Variants in STK4 observed in about 807,000 individuals in gnomAD.
The protein encoded by STK4 is serine/threonine kinase 4, also known as serine/threonine-protein kinase 4.
In STK4, 30 loss-of-function variants were observed where a neutral mutation model predicts 64.9. That is an observed-to-expected ratio of 0.46 (90% CI 0.35 to 0.63). STK4 has a LOEUF of 0.63. STK4 is among the 20% of genes least tolerant of loss of function. The probability of loss-of-function intolerance (pLI) is 0.01; values close to 1 mark genes in which losing one functional copy is unlikely to be tolerated. For missense variants in STK4, 466 were observed against 598.5 expected, an observed-to-expected ratio of 0.78 and a Z score of 2.31; for synonymous variants, 177 against 199.0, an observed-to-expected ratio of 0.89 and a Z score of 0.93.
chr20:45,031,105 A>C (rs566778651), intron 10 of STK4, among the ~76,000 whole-genome samples: 72 of 152,294 alleles, frequency 4.7e-4, no homozygotes, highest in Middle Eastern at 3.4e-3. Flanking sequence ...GTTCTCATGG[A>C]GTTTACAGTG....
At chr20:45,062,662 T>TTTTTG (rs1434849654) in intron 10 of STK4, among the ~76,000 whole-genome samples, 1 of 152,114 alleles carries the variant, frequency 6.6e-6, no homozygotes, top group Non-Finnish European at 1.5e-5. Flanking sequence ...GTGGGGTTTT[T>TTTTTG]TTTTGTTTTG....
intron 5 of STK4, among the ~76,000 whole-genome samples, chr20:44,988,533 G>GTATATATA (rs71197589): frequency 0.028 from 2,822 of 101,292 alleles, 68 homozygotes; most frequent in East Asian, 0.039. Context: ...ATGTGTGTGT[G>GTATATATA]TATATATATA....
rs981279336 is a variant in STK4, at chr20:44,966,577, G to A, written c.9G>A (p.Thr3=). The A allele has an allele frequency of 7.9e-7, 1 of 1,268,114 alleles. No individual in the cohort carries two copies. Among genetic ancestry groups the A allele is most frequent in the Non-Finnish European group, 1.0e-6 (1 of 997,782 alleles). The allele number at this position is 1,268,114 out of a possible 1,614,324, so 78.6% of individuals were successfully genotyped here. The change falls in exon 1 of 11, where the codon ACG becomes ACA. Residue 3 remains threonine, a synonymous_variant. Transcript: ENST00000372806. The stretch of plus-strand genomic sequence containing the variant: ...CGGCTGCTGGCAGCGCCATGGAGAC[G>A]GTACAGCTGAGGAACCCGCCGCGCC... ME[T]VQLRNPPRRQ...
intron 10 of STK4, among the ~76,000 whole-genome samples, chr20:45,066,219 T>C (rs1479890200): frequency 7.3e-6 from 1 of 137,230 alleles, no homozygotes; most frequent in Non-Finnish European, 1.6e-5. Flanking sequence ...CACACAGATA[T>C]CTAGCTAGAT....
Position 44,999,003 on chromosome 20 carries a change from G to T in STK4, c.832-1389G>T, listed in dbSNP as rs988070228. Among the ~76,000 whole-genome samples, 17 of 151,948 alleles carry T rather than the reference G, an allele frequency of 1.1e-4. No individual in the cohort carries two copies. In the South Asian group the frequency reaches 3.5e-3, roughly 32 times the overall value. Reference sequence around the variant, plus strand: ...GAAGCACTTGAACCCGGGAGGCAGAGGTTACAGTGAGCTGAGATTGTGCCA... The same window carrying T: ...GAAGCACTTGAACCCGGGAGGCAGATGTTACAGTGAGCTGAGATTGTGCCA... On this transcript the variant is annotated intron_variant, in intron 7 of 10. Transcript: ENST00000372806.
intron 10 of STK4, among the ~76,000 whole-genome samples, chr20:45,033,234 CT>C (rs1568739795): frequency 2.0e-5 from 3 of 152,160 alleles, no homozygotes; most frequent in Non-Finnish European, 4.4e-5. Flanking sequence ...TCTGTTCACT[CT>C]GTTGAAAGTT....
chr20:44,987,281 A>G lies in STK4; in HGVS notation c.510A>G (p.Val170=), dbSNP rs764406926. ...ATGCAAAACTTGCAGATTTTGGGGT[A>G]GCAGGTCAACTTACAGTAAGTAAAA... The part of the protein sequence containing the change: ...EGHAKLADFG[V]AGQLTDTMAK... The change falls in exon 5 of 11, where the codon GTA becomes GTG. Residue 170 remains valine (V), a synonymous_variant. Transcript: ENST00000372806. 9 of 1,610,580 alleles carry G rather than the reference A, an allele frequency of 5.6e-6. No individual in the cohort carries two copies. The highest frequency in any genetic ancestry group is 3.3e-5 in the South Asian group (3 of 90,138).
intron 10 of STK4, among the ~76,000 whole-genome samples, chr20:45,061,872 C>CTTTTT (rs71197598): frequency 5.7e-4 from 66 of 115,056 alleles, no homozygotes; most frequent in African/African-American, 6.9e-4. Context: ...TCTTCTTCTT[C>CTTTTT]TTTTTTTTTT....
intron 10 of STK4, among the ~76,000 whole-genome samples, chr20:45,046,265 CA>C (rs56077065): frequency 0.17 from 20,880 of 119,542 alleles, 1,545 homozygotes; most frequent in East Asian, 0.26. Context: ...CCTGTATCTA[CA>C]AAAAAAAAAA....
intron 10 of STK4, among the ~76,000 whole-genome samples, chr20:45,069,092 T>A (rs1012375239): frequency 3.3e-5 from 5 of 152,202 alleles, no homozygotes; most frequent in African/African-American, 1.2e-4. Flanking sequence ...GTGAGGGAAT[T>A]CTAGGTGTTA....
chr20:44,984,941 T>C (rs925129877), intron 4 of STK4, among the ~76,000 whole-genome samples: 2 of 152,000 alleles, frequency 1.3e-5, no homozygotes, highest in Non-Finnish European at 2.9e-5. Flanking sequence ...CCACTGCGTC[T>C]GCTTGTTTCC....
intron 4 of STK4, among the ~76,000 whole-genome samples, chr20:44,982,347 C>G (rs993923061): frequency 1.3e-5 from 2 of 151,004 alleles, no homozygotes; most frequent in Non-Finnish European, 3.0e-5. Flanking sequence ...GTTGCCCAGG[C>G]TGGTTTCGAA....
At chr20:44,977,527 A>C (rs1366023947) in intron 2 of STK4, among the ~76,000 whole-genome samples, 1 of 152,182 alleles carries the variant, frequency 6.6e-6, no homozygotes, top group African/African-American at 2.4e-5. Context: ...ATCTCATTTG[A>C]CCATCACAAA....
intron 3 of STK4, among the ~76,000 whole-genome samples, 161 bp downstream of exon 3, chr20:44,978,732 A>G (rs1009555541): frequency 4.7e-5 from 7 of 149,416 alleles, no homozygotes; most frequent in African/African-American, 1.7e-4. Context: ...TATGATGATA[A>G]TGGTTGTTTT....
chr20:45,037,283 G>T (rs948355889), intron 10 of STK4, among the ~76,000 whole-genome samples: 1 of 152,246 alleles, frequency 6.6e-6, no homozygotes, highest in African/African-American at 2.4e-5. Flanking sequence ...AATTGAGCTG[G>T]AGCATTACCA....
intron 9 of STK4, among the ~76,000 whole-genome samples, chr20:45,003,354 T>C (rs1359978651): frequency 1.3e-5 from 2 of 152,166 alleles, no homozygotes; most frequent in African/African-American, 2.4e-5. Context: ...CAGATACTGA[T>C]CTATGTGGTG....
rs112554250 is a variant in STK4, at chr20:45,000,534, G to A, written c.960+14G>A. The A allele has an allele frequency of 3.5e-5, 56 of 1,613,364 alleles. No individual in the cohort carries two copies. In the African/African-American group the frequency reaches 4.5e-4, roughly 13 times the overall value. ...GAAGAAAACTCAGTGAGTGGCAGCC[G>A]TTGCTGTGGGCCTCAGACATTGATG... On this transcript the variant is annotated intron_variant, in intron 8 of 10. Coordinates refer to ENST00000372806, the MANE Select transcript of STK4 (RefSeq NM_006282.5).
At chr20:44,992,570 G>C (rs140613702) in intron 5 of STK4, among the ~76,000 whole-genome samples, 66 of 152,204 alleles carry the variant, frequency 4.3e-4, no homozygotes, top group African/African-American at 1.6e-3. Context: ...GCAGTGGCAT[G>C]ATCATAGTTC....
In STK4 at chr20:45,000,517, C is replaced by T; in HGVS notation, c.957C>T (p.Asn319=). 6.2e-7 allele frequency: 1 copy of T among 1,613,888 alleles called. No homozygotes were observed. Among genetic ancestry groups the T allele is most frequent in the Non-Finnish European group, 8.5e-7 (1 of 1,179,884 alleles). The change falls in exon 8 of 11, where the codon AAC becomes AAT. Residue 319 remains asparagine, a synonymous_variant. Transcript: ENST00000372806. ...QREVDQDDEE[N]SEEDEMDSGT... is the part of the protein sequence containing the mutation. ...AAGTGGACCAGGACGATGAAGAAAA[C>T]TCAGTGAGTGGCAGCCGTTGCTGTG... is the stretch of plus-strand genomic sequence containing the variant.
Sources: gnomAD v4.1 joint callset for allele counts (sites outside exome capture counted in the v4.1 genomes callset) on GRCh38, gnomAD v4.1.1 for gene constraint, MANE v1.5 for transcripts, NCBI Gene and HGNC (gene_info 2026-07-23, HGNC 2026-07-21) for gene names.